ANP32A: variants seen among roughly 807,000 people sequenced by gnomAD.
ANP32A encodes acidic nuclear phosphoprotein 32 family member A, also known as acidic leucine-rich nuclear phosphoprotein 32 family member A.
A neutral mutation model predicts 33.9 loss-of-function variants in ANP32A; 1 was observed. That is an observed-to-expected ratio of 0.03 (90% CI 0.01 to 0.14). The LOEUF is 0.14. ANP32A is among the 10% of genes least tolerant of loss of function. ANP32A has a pLI of 1.00. For missense variants in ANP32A, 155 were observed against 306.0 expected, an observed-to-expected ratio of 0.51 and a Z score of 3.68; for synonymous variants, 115 against 120.5, an observed-to-expected ratio of 0.95 and a Z score of 0.30.
At chr15:68,787,618 C>A (rs758815308) in intron 2 of ANP32A, 83 bp from the exon 3 acceptor site, 2 of 1,605,476 alleles carry the variant, frequency 1.2e-6, no homozygotes. Flanking sequence ...TTTCCCCAGA[C>A]GGGCAAGAAG....
chr15:68,785,827 T>A (rs1893924769), intron 3 of ANP32A, among the ~76,000 whole-genome samples: 1 of 152,142 alleles, frequency 6.6e-6, no homozygotes, highest in South Asian at 2.1e-4. Context: ...ATATACTCAA[T>A]CCCCATACCT....
chr15:68,815,163 G>C (rs1048880154), intron 1 of ANP32A, among the ~76,000 whole-genome samples: 66 of 152,192 alleles, frequency 4.3e-4, no homozygotes, highest in Admixed American at 1.3e-3. Flanking sequence ...AAAAGACCCT[G>C]AGAGTACCAC....
chr15:68,818,573 A>C (rs957119876), intron 1 of ANP32A, among the ~76,000 whole-genome samples: 2 of 151,888 alleles, frequency 1.3e-5, no homozygotes, highest in Admixed American at 6.5e-5. Flanking sequence ...GAGGGGGCGA[A>C]GCGTGAGAAA....
At chr15:68,808,832 A>C (rs1470334166) in intron 1 of ANP32A, among the ~76,000 whole-genome samples, 2 of 152,188 alleles carry the variant, frequency 1.3e-5, no homozygotes, top group Non-Finnish European at 2.9e-5. Flanking sequence ...GAAACCCAGC[A>C]CTGGGCACTG....
intron 5 of ANP32A, among the ~76,000 whole-genome samples, chr15:68,781,896 G>A (rs1053040834): frequency 1.3e-5 from 2 of 152,170 alleles, no homozygotes; most frequent in Non-Finnish European, 2.9e-5. Flanking sequence ...GAGCCACCGC[G>A]CCTGGCCTCC....
Position 68,780,822 on chromosome 15 carries a change from G to A in ANP32A, c.625-349C>T, listed in dbSNP as rs1893857790. On this transcript the variant is annotated intron_variant, in intron 5 of 6. Coordinates refer to ENST00000465139, the MANE Select transcript of ANP32A (RefSeq NM_006305.4). The surrounding 1 kb of genome is among the most constrained non-coding windows in gnomAD (Gnocchi z 4.3). ...CTCTCCAGTCTGCACATTCTCTGAG[G>A]AGAACAAGTTCCCGAGCAGACTCCC... is the stretch of plus-strand genomic sequence containing the variant. The A allele has an allele frequency of 9.9e-6, 2 of 202,696 alleles. No individual in the cohort carries two copies. Among genetic ancestry groups the A allele is most frequent in the South Asian group, 2.1e-4 (2 of 9,726 alleles). The allele number at this position is 202,696 out of a possible 1,614,324, so 12.6% of individuals were successfully genotyped here.
chr15:68,806,239 G>T (rs1278177027), intron 1 of ANP32A, among the ~76,000 whole-genome samples: 2 of 152,158 alleles, frequency 1.3e-5, no homozygotes, highest in African/African-American at 4.8e-5. Flanking sequence ...TCTGGTTTCT[G>T]GTACAGTGGG....
At chr15:68,790,696 AAAG>A (rs1893988398) in intron 1 of ANP32A, 2 of 152,124 alleles carry the variant, frequency 1.3e-5, no homozygotes, top group African/African-American at 4.8e-5. Context: ...TAAAATCCCA[AAAG>A]AAGGTCACAG....
intron 1 of ANP32A, 91 bp from the exon 2 acceptor site, chr15:68,788,010 CAG>C (rs1242502584): frequency 1.4e-5 from 21 of 1,493,038 alleles, no homozygotes; most frequent in Admixed American, 7.2e-5. Flanking sequence ...AACAGGGAGA[CAG>C]ACGCAGGAAG....
At chr15:68,812,186 A>G (rs141000696) in intron 1 of ANP32A, among the ~76,000 whole-genome samples, 31 of 152,352 alleles carry the variant, frequency 2.0e-4, no homozygotes, top group African/African-American at 5.5e-4. Context: ...CAAAAAGGGA[A>G]GGTGCCCTGA....
intron 3 of ANP32A, among the ~76,000 whole-genome samples, chr15:68,786,356 T>G (rs935616113): frequency 1.4e-5 from 2 of 147,726 alleles, no homozygotes; most frequent in African/African-American, 5.1e-5. Flanking sequence ...GCCTTCCAGG[T>G]TCAAGAGATT....
chr15:68,806,830 C>G (rs1894234659), intron 1 of ANP32A, among the ~76,000 whole-genome samples: 1 of 152,258 alleles, frequency 6.6e-6, no homozygotes, highest in African/African-American at 2.4e-5. Context: ...AGGCCAGTTT[C>G]TGACCCTCCA....
chr15:68,815,248 A>T (rs1479666177), intron 1 of ANP32A, among the ~76,000 whole-genome samples: 1 of 152,222 alleles, frequency 6.6e-6, no homozygotes, highest in African/African-American at 2.4e-5. Flanking sequence ...CAATCTACTG[A>T]ACCACCTTTT....
At position 68,778,802 on chromosome 15, in the gene ANP32A, T is replaced by G. The variant is rs1261457201; in HGVS notation, c.*1279A>C. On this transcript the variant is annotated 3_prime_UTR_variant, in exon 7 of 7. Transcript: ENST00000465139. ...ATATCTCATAAGAAAAGCTATTCTA[T>G]CAGGTAACAAAAATGAAGCTTCCCC... 1.3e-5 allele frequency: 2 copies of G among 152,106 alleles called. No individual in the cohort carries two copies. The highest frequency in any genetic ancestry group is 2.9e-5 in the Non-Finnish European group (2 of 68,038). 9.4% of individuals were successfully genotyped at this position (152,106 alleles called of 1,614,324 possible). A position where few individuals can be genotyped will look rare whatever the true frequency, so the allele number is the denominator to read the frequency against.
At chr15:68,817,405 G>C (rs1298829604) in intron 1 of ANP32A, 2 of 152,334 alleles carry the variant, frequency 1.3e-5, no homozygotes, top group Non-Finnish European at 2.9e-5. Flanking sequence ...AGCCCAGCCC[G>C]GGAGGGCGTT....
At position 68,780,601 on chromosome 15, in the gene ANP32A, T is replaced by G; in HGVS notation, c.625-128A>C. On this transcript the variant is annotated intron_variant, in intron 5 of 6. Transcript: ENST00000465139. The surrounding 1 kb of genome is among the most constrained non-coding windows in gnomAD (Gnocchi z 4.3). Reference sequence around the variant, plus strand: ...TCAGAGCCCCCACCAAGACTTGACATCTCGGGAGGAATGTAAAGCAGAGGT... The same window carrying G: ...TCAGAGCCCCCACCAAGACTTGACAGCTCGGGAGGAATGTAAAGCAGAGGT... 1 of 1,449,198 alleles carries G rather than the reference T, an allele frequency of 6.9e-7. No individual in the cohort carries two copies. The highest frequency in any genetic ancestry group is 9.1e-7 in the Non-Finnish European group (1 of 1,093,338). The allele number at this position is 1,449,198 out of a possible 1,614,324, so 89.8% of individuals were successfully genotyped here. A position where few individuals can be genotyped will look rare whatever the true frequency, so the allele number is the denominator to read the frequency against.
intron 1 of ANP32A, among the ~76,000 whole-genome samples, chr15:68,802,156 T>C (rs981313907): frequency 6.6e-6 from 1 of 152,168 alleles, no homozygotes; most frequent in African/African-American, 2.4e-5. Context: ...CCTCTTTTTT[T>C]TTCTCCTTTT....
chr15:68,781,518 A>G (rs1893867078), intron 5 of ANP32A: 1 of 151,716 alleles, frequency 6.6e-6, no homozygotes, highest in African/African-American at 2.4e-5. Flanking sequence ...AAAATACAAT[A>G]TTCTTTAGAG....
Position 68,820,752 on chromosome 15 carries a change from C to G in ANP32A, c.-1G>C. 6.2e-7 allele frequency: 1 copy of G among 1,614,188 alleles called. No homozygotes were observed. Among genetic ancestry groups the G allele is most frequent in the Non-Finnish European group, 8.5e-7 (1 of 1,180,014 alleles). ...AATGAATCCGTCTGCCCATCTCCAT[C>G]TCTCGCGCTCTCTCTCTGCAGAGGC... On this transcript the variant is annotated 5_prime_UTR_variant, in exon 1 of 7. Coordinates refer to ENST00000465139, the MANE Select transcript of ANP32A (RefSeq NM_006305.4).
Sources: gnomAD v4.1 joint callset for allele counts (sites outside exome capture counted in the v4.1 genomes callset) on GRCh38, gnomAD v4.1.1 for gene constraint, Gnocchi (gnomAD v3.1) non-coding constraint, MANE v1.5 for transcripts, NCBI Gene and HGNC (gene_info 2026-07-23, HGNC 2026-07-21) for gene names.